Variants in GNAO1 observed in about 807,000 individuals in gnomAD.
GNAO1 encodes guanine nucleotide-binding protein G(o) subunit alpha.
For missense variants in GNAO1, 166 were observed against 478.7 expected (o/e 0.35, Z 6.10); for synonymous variants, 164 against 180.7 (o/e 0.91, Z 0.74).
intron 5 of GNAO1, chr16:56,336,389 G>A (rs1316381468): frequency 4.6e-6 from 1 of 219,572 alleles, no homozygotes; most frequent in Non-Finnish European, 9.1e-6. Context: ...AATAGACTGA[G>A]AGGAGGGTCC....
chr16:56,305,250 G>A (rs1317786063), intron 3 of GNAO1, among the ~76,000 whole-genome samples: 1 of 152,212 alleles, frequency 6.6e-6, no homozygotes, highest in African/African-American at 2.4e-5. Flanking sequence ...AATAGTTAAT[G>A]AAGCAGATGT....
At chr16:56,206,325 A>T (rs1350247850) in intron 2 of GNAO1, among the ~76,000 whole-genome samples, 4 of 97,344 alleles carry the variant, frequency 4.1e-5, no homozygotes, top group Admixed American at 3.7e-4. Context: ...ATCTCAATTT[A>T]AAAAAAAAAA....
intron 3 of GNAO1, among the ~76,000 whole-genome samples, chr16:56,279,506 C>A (rs769441650): frequency 2.0e-5 from 3 of 152,200 alleles, no homozygotes; most frequent in Non-Finnish European, 2.9e-5. Flanking sequence ...GGGGTGTGCT[C>A]TCTGCCTCTA....
intron 2 of GNAO1, among the ~76,000 whole-genome samples, chr16:56,224,637 G>A (rs931781356): frequency 3.3e-5 from 5 of 152,068 alleles, no homozygotes; most frequent in South Asian, 2.1e-4. Flanking sequence ...GCATCACCAC[G>A]TCTGGCTAAT....
intron 2 of GNAO1, among the ~76,000 whole-genome samples, chr16:56,234,734 C>G (rs2036621249): frequency 6.6e-6 from 1 of 152,160 alleles, no homozygotes; most frequent in Non-Finnish European, 1.5e-5. Flanking sequence ...TCTGGTTCCC[C>G]CCCAACTCCT....
chr16:56,324,578 C>T (rs897901858), intron 3 of GNAO1, among the ~76,000 whole-genome samples: 2 of 152,332 alleles, frequency 1.3e-5, no homozygotes, highest in Middle Eastern at 3.4e-3. Context: ...GTTTTTAGCC[C>T]CAGGTGGAGG....
intron 2 of GNAO1, among the ~76,000 whole-genome samples, chr16:56,206,734 A>G (rs961677113): frequency 2.6e-5 from 4 of 152,242 alleles, no homozygotes; most frequent in Non-Finnish European, 5.9e-5. Context: ...TAATCAAAAA[A>G]AGAATTGCAG....
intron 2 of GNAO1, among the ~76,000 whole-genome samples, chr16:56,248,194 T>C (rs1024709207): frequency 1.3e-5 from 2 of 152,254 alleles, no homozygotes; most frequent in African/African-American, 4.8e-5. Context: ...TCTTAACATT[T>C]AGAGAAATTA....
At chr16:56,271,566 G>A (rs1455613911) in intron 2 of GNAO1, among the ~76,000 whole-genome samples, 1 of 152,160 alleles carries the variant, frequency 6.6e-6, no homozygotes, top group Non-Finnish European at 1.5e-5. Context: ...TGATTCTCCT[G>A]CCTCAGCCTC....
chr16:56,279,472 C>G (rs906881557), intron 3 of GNAO1, among the ~76,000 whole-genome samples: 1 of 152,208 alleles, frequency 6.6e-6, no homozygotes, highest in African/African-American at 2.4e-5. Context: ...GCCCCATGTA[C>G]TCTCACTCCT....
chr16:56,196,714 T>C (rs1465370005), intron 2 of GNAO1, among the ~76,000 whole-genome samples: 1 of 152,218 alleles, frequency 6.6e-6, no homozygotes, highest in Non-Finnish European at 1.5e-5. Flanking sequence ...AAGGTGGCCA[T>C]GAGGCATTGC....
intron 2 of GNAO1, among the ~76,000 whole-genome samples, chr16:56,214,172 C>A (rs1007675280): frequency 2.6e-5 from 4 of 152,132 alleles, no homozygotes; most frequent in African/African-American, 9.7e-5. Context: ...TGTTGGGCTG[C>A]CTTGCCTTGC....
intron 3 of GNAO1, among the ~76,000 whole-genome samples, chr16:56,277,611 G>A (rs1190194655): frequency 3.9e-5 from 6 of 152,060 alleles, no homozygotes; most frequent in South Asian, 2.1e-4. Context: ...ATAATGACTC[G>A]TTTTATTTAA....
chr16:56,224,134 G>T (rs1293086888), intron 2 of GNAO1, among the ~76,000 whole-genome samples: 1 of 152,192 alleles, frequency 6.6e-6, no homozygotes, highest in East Asian at 1.9e-4. Context: ...TCTTCCTCTG[G>T]ACCAGGCCGT....
At chr16:56,233,529 A>T (rs534604796) in intron 2 of GNAO1, among the ~76,000 whole-genome samples, 1 of 152,336 alleles carries the variant, frequency 6.6e-6, no homozygotes, top group East Asian at 1.9e-4. Context: ...GCCAGCACCC[A>T]TAAGGATGCA....
At chr16:56,272,678 G>C (rs762010411) in intron 2 of GNAO1, among the ~76,000 whole-genome samples, 1 of 152,184 alleles carries the variant, frequency 6.6e-6, no homozygotes, top group Non-Finnish European at 1.5e-5. Context: ...AGATATTGGG[G>C]CAATTACTTA....
At chr16:56,269,632 A>G (rs1330533778) in intron 2 of GNAO1, among the ~76,000 whole-genome samples, 1 of 152,164 alleles carries the variant, frequency 6.6e-6, no homozygotes, top group Non-Finnish European at 1.5e-5. Context: ...CCTGTGGATC[A>G]TTAAAGGGAT....
intron 4 of GNAO1, among the ~76,000 whole-genome samples, chr16:56,333,308 G>A (rs1342951047): frequency 2.0e-5 from 3 of 151,820 alleles, no homozygotes; most frequent in South Asian, 2.1e-4. Context: ...CGCCTCCTGG[G>A]TTGAAGCGAT....
At chr16:56,219,824 T>C (rs1318700019) in intron 2 of GNAO1, among the ~76,000 whole-genome samples, 1 of 152,166 alleles carries the variant, frequency 6.6e-6, no homozygotes, top group African/African-American at 2.4e-5. Context: ...TGGAAGTGTG[T>C]GCTAAAGCTC....
Sources: allele counts gnomAD v4.1 joint callset (sites outside exome capture counted in the v4.1 genomes callset), GRCh38; gene constraint gnomAD v4.1.1; transcripts MANE v1.5; gene names NCBI Gene and HGNC (gene_info 2026-07-23, HGNC 2026-07-21).